Variants in REEP3 observed in about 807,000 individuals in gnomAD.
REEP3 encodes the protein receptor expression-enhancing protein 3.
REEP3 carries 20 observed loss-of-function variants against 41.3 expected under a neutral mutation model. That is an observed-to-expected ratio of 0.48 (90% CI 0.34 to 0.70). The LOEUF (loss-of-function observed/expected upper bound fraction) is 0.70. Among genes scored for constraint, REEP3 ranks in the 30% least tolerant of loss-of-function variants. REEP3 has a pLI of 0.01. For missense variants in REEP3, 271 were observed against 308.8 expected, an observed-to-expected ratio of 0.88 and a Z score of 0.92; for synonymous variants, 104 against 101.8, an observed-to-expected ratio of 1.02 and a Z score of -0.13.
intron 2 of REEP3, among the ~76,000 whole-genome samples, chr10:63,566,722 G>C (rs565501835): frequency 3.3e-4 from 50 of 152,142 alleles, no homozygotes; most frequent in Non-Finnish European, 5.9e-4. Context: ...GGGGCTTTTT[G>C]CCTTATAAAT....
intron 2 of REEP3, among the ~76,000 whole-genome samples, chr10:63,579,170 T>A (rs928640566): frequency 4.6e-5 from 7 of 152,064 alleles, no homozygotes; most frequent in African/African-American, 1.4e-4. Context: ...TAGCTAGGTT[T>A]ACGGTCACCC....
chr10:63,617,795 C>G (rs966653301), intron 6 of REEP3, among the ~76,000 whole-genome samples: 3 of 148,066 alleles, frequency 2.0e-5, no homozygotes, highest in African/African-American at 7.5e-5. Context: ...TCTCCTAAGC[C>G]TGGAAATCCT....
intron 1 of REEP3, 84 bp from the exon 2 acceptor site, chr10:63,566,253 GT>G: frequency 1.4e-6 from 1 of 724,644 alleles, no homozygotes; most frequent in Non-Finnish European, 2.4e-6. Flanking sequence ...CAAATTTACA[GT>G]TATTTGTTTA....
At chr10:63,601,185 A>G (rs1388710438) in intron 5 of REEP3, among the ~76,000 whole-genome samples, 1 of 152,174 alleles carries the variant, frequency 6.6e-6, no homozygotes, top group Admixed American at 6.5e-5. Flanking sequence ...TAAATGATGT[A>G]GAATCAGAAT....
At chr10:63,619,918 ATTTTTTTT>A (rs71463534) in intron 7 of REEP3, 118 bp downstream of exon 7, 6 of 249,994 alleles carry the variant, frequency 2.4e-5, no homozygotes, top group South Asian at 1.7e-4. Flanking sequence ...CAGCAGTTTG[ATTTTTTTT>A]TTTTTTTTTT....
At chr10:63,551,856 ATATAT>A (rs1289633215) in intron 1 of REEP3, among the ~76,000 whole-genome samples, 1 of 152,144 alleles carries the variant, frequency 6.6e-6, no homozygotes, top group Non-Finnish European at 1.5e-5. Context: ...ATTAATAACG[ATATAT>A]TATTATTAGT....
intron 2 of REEP3, among the ~76,000 whole-genome samples, chr10:63,591,365 G>T (rs915342164): frequency 6.6e-6 from 1 of 151,742 alleles, no homozygotes; most frequent in Non-Finnish European, 1.5e-5. Context: ...TTTAATTTTT[G>T]CCTGTATTCA....
intron 1 of REEP3, among the ~76,000 whole-genome samples, chr10:63,544,325 ATGAT>A (rs1339883705): frequency 6.6e-6 from 1 of 152,212 alleles, no homozygotes; most frequent in Non-Finnish European, 1.5e-5. Flanking sequence ...ATTTTAAGTG[ATGAT>A]TGATATTAAC....
Position 63,620,892 on chromosome 10 carries a change from A to T in REEP3, c.*23A>T, listed in dbSNP as rs1340969372. 2.6e-6 allele frequency: 4 copies of T among 1,511,290 alleles called. No homozygotes were observed. Among genetic ancestry groups the T allele is most frequent in the Non-Finnish European group, 3.7e-6 (4 of 1,092,878 alleles). The allele number at this position is 1,511,290 out of a possible 1,614,324, so 93.6% of individuals were successfully genotyped here. On this transcript the variant is annotated 3_prime_UTR_variant, in exon 8 of 8. Transcript: ENST00000373758. ...TAGTCATCTACACGTCAAATATCCC[A>T]AGACAGATTATGCTAAATACATCGA...
intron 6 of REEP3, among the ~76,000 whole-genome samples, chr10:63,617,156 C>A (rs1391336910): frequency 6.6e-6 from 1 of 152,132 alleles, no homozygotes; most frequent in Non-Finnish European, 1.5e-5. Flanking sequence ...TTTCTTCCAC[C>A]CGGAACACAC....
intron 2 of REEP3, among the ~76,000 whole-genome samples, chr10:63,568,423 C>T (rs893073904): frequency 2.0e-5 from 3 of 151,554 alleles, no homozygotes; most frequent in Admixed American, 1.3e-4. Context: ...CCCGCCACCA[C>T]GCCCTGCTAA....
chr10:63,566,518 G>C, intron 2 of REEP3, 108 bp downstream of exon 2: 1 of 644,858 alleles, frequency 1.6e-6, no homozygotes, highest in Non-Finnish European at 2.7e-6. Context: ...TGGGTTAAAA[G>C]GTGTTATGAA....
chr10:63,594,338 G>C (rs1403654836), intron 2 of REEP3, among the ~76,000 whole-genome samples: 3 of 152,146 alleles, frequency 2.0e-5, no homozygotes, highest in Non-Finnish European at 4.4e-5. Flanking sequence ...AGTGAGTCAT[G>C]ATCGTAATTG....
intron 5 of REEP3, 58 bp from the exon 6 acceptor site, chr10:63,610,129 G>A (rs1956266415): frequency 4.2e-6 from 6 of 1,413,652 alleles, no homozygotes; most frequent in African/African-American, 1.4e-5. Flanking sequence ...TTCAGGGATA[G>A]TTAAATGTAA....
chr10:63,551,338 T>C (rs1335216781), intron 1 of REEP3, among the ~76,000 whole-genome samples: 1 of 152,074 alleles, frequency 6.6e-6, no homozygotes, highest in East Asian at 1.9e-4. Context: ...AAAATAAATA[T>C]CATGAGTCCA....
intron 1 of REEP3, chr10:63,562,538 T>C (rs996942542): frequency 2.2e-6 from 1 of 456,382 alleles, no homozygotes; most frequent in Non-Finnish European, 4.4e-6. Flanking sequence ...ATTACAGGCA[T>C]GAGCCACTGC....
intron 5 of REEP3, among the ~76,000 whole-genome samples, chr10:63,603,299 C>T (rs559032852): frequency 8.5e-5 from 8 of 94,280 alleles, no homozygotes; most frequent in Non-Finnish European, 1.5e-4. Flanking sequence ...GGTGAGAGTG[C>T]AAGACTCTGT....
At chr10:63,586,615 C>T (rs553350234) in intron 2 of REEP3, among the ~76,000 whole-genome samples, 1 of 152,112 alleles carries the variant, frequency 6.6e-6, no homozygotes, top group South Asian at 2.1e-4. Context: ...AAGTTTATTA[C>T]CAAATAATTA....
intron 1 of REEP3, among the ~76,000 whole-genome samples, chr10:63,554,509 G>A (rs1314810120): frequency 6.6e-6 from 1 of 152,126 alleles, no homozygotes; most frequent in African/African-American, 2.4e-5. Context: ...GTTTTCTTTG[G>A]GGGACAGTTT....
Sources: allele counts gnomAD v4.1 joint callset (sites outside exome capture counted in the v4.1 genomes callset), GRCh38; gene constraint gnomAD v4.1.1; transcripts MANE v1.5; gene names NCBI Gene and HGNC (gene_info 2026-07-23, HGNC 2026-07-21).